The following CHL1 variants were observed in gnomAD, a reference collection of about 807,000 sequenced individuals.
CHL1 encodes cell adhesion molecule L1 like.
Under a neutral mutation model 141.9 loss-of-function variants are expected in CHL1, and 96 were observed. That is an observed-to-expected ratio of 0.68 (90% CI 0.57 to 0.80). CHL1 has a LOEUF of 0.80. Among genes scored for constraint, CHL1 ranks in the 30% least tolerant of loss-of-function variants. The probability of loss-of-function intolerance (pLI) is 0.00; values close to 1 mark genes in which losing one functional copy is unlikely to be tolerated. For synonymous variants in CHL1, 613 were observed against 502.2 expected (o/e 1.22, Z -2.95); for missense variants, 1,820 against 1,457.2 (o/e 1.25, Z -4.05).
At chr3:357,341 G>T (rs1427494851) in intron 11 of CHL1, among the ~76,000 whole-genome samples, 3 of 152,168 alleles carry the variant, frequency 2.0e-5, no homozygotes, top group Non-Finnish European at 4.4e-5. Context: ...CTTTCCCCAT[G>T]TTATTTCAAA....
intron 1 of CHL1, among the ~76,000 whole-genome samples, chr3:208,631 C>T (rs1025213009): frequency 2.0e-5 from 3 of 152,038 alleles, no homozygotes; most frequent in East Asian, 1.9e-4. Context: ...TTCCAGTATC[C>T]GTTTTGGTTA....
chr3:244,253 G>T (rs993390408), intron 1 of CHL1, among the ~76,000 whole-genome samples: 6 of 152,178 alleles, frequency 3.9e-5, no homozygotes, highest in African/African-American at 1.4e-4. Context: ...AGTAGCTATT[G>T]TGCCAGACAG....
At chr3:224,452 G>A (rs1182190284) in intron 1 of CHL1, among the ~76,000 whole-genome samples, 3 of 152,128 alleles carry the variant, frequency 2.0e-5, no homozygotes, top group Admixed American at 6.6e-5. Flanking sequence ...AACAGATCCC[G>A]TATGGCCTGG....
intron 24 of CHL1, among the ~76,000 whole-genome samples, chr3:395,829 C>T (rs755820256): frequency 4.6e-5 from 7 of 152,050 alleles, no homozygotes; most frequent in East Asian, 1.9e-4. Context: ...ATTAGAAAAA[C>T]GGTAGAATCA....
chr3:294,697 CA>C (rs11291904), intron 2 of CHL1, among the ~76,000 whole-genome samples: 96,914 of 151,858 alleles, frequency 0.64, 33,488 homozygotes, highest in African/African-American at 0.91. Context: ...ATGCCCATAA[CA>C]AAAAATGGAA....
intron 5 of CHL1, among the ~76,000 whole-genome samples, chr3:330,854 G>C (rs944705529): frequency 2.6e-5 from 4 of 152,054 alleles, no homozygotes; most frequent in Non-Finnish European, 5.9e-5. Flanking sequence ...AGCCATTATG[G>C]TTCTGTGCAG....
chr3:292,832 G>C (rs1238081039), intron 2 of CHL1, among the ~76,000 whole-genome samples: 1 of 152,080 alleles, frequency 6.6e-6, no homozygotes, highest in Non-Finnish European at 1.5e-5. Context: ...GATCTCAAGA[G>C]AACTCACTAT....
chr3:268,880 G>C (rs1226294376), intron 2 of CHL1, among the ~76,000 whole-genome samples: 1 of 152,172 alleles, frequency 6.6e-6, no homozygotes, highest in Non-Finnish European at 1.5e-5. Context: ...CAGGGTTAAA[G>C]GCAGAGCTCA....
At chr3:394,611 C>T (rs894801722) in intron 23 of CHL1, 82 bp from the exon 24 acceptor site, 1 of 991,290 alleles carries the variant, frequency 1.0e-6, no homozygotes, top group Non-Finnish European at 1.5e-6. Flanking sequence ...GTACCACAAG[C>T]ATAAGGAGAA....
At chr3:276,693 T>TAC (rs1559369469) in intron 2 of CHL1, among the ~76,000 whole-genome samples, 18 of 151,592 alleles carry the variant, frequency 1.2e-4, no homozygotes, top group Non-Finnish European at 2.9e-5. Context: ...ATTGAGACCG[T>TAC]CCTGGCTAAC....
At chr3:260,741 AC>A (rs1472553977) in intron 2 of CHL1, among the ~76,000 whole-genome samples, 1 of 152,194 alleles carries the variant, frequency 6.6e-6, no homozygotes, top group Non-Finnish European at 1.5e-5. Context: ...CTACATAAAA[AC>A]CTTCCTTGGA....
At chr3:397,916 T>C (rs1264364740) in intron 24 of CHL1, among the ~76,000 whole-genome samples, 1 of 152,154 alleles carries the variant, frequency 6.6e-6, no homozygotes, top group Non-Finnish European at 1.5e-5. Context: ...TTTGCGAAAA[T>C]CCAAATTGCA....
At chr3:221,107 G>A (rs186812330) in intron 1 of CHL1, among the ~76,000 whole-genome samples, 1 of 152,230 alleles carries the variant, frequency 6.6e-6, no homozygotes, top group East Asian at 1.9e-4. Context: ...CCCACTTTGA[G>A]TTGTCTCACC....
chr3:390,013 A>C (rs539095387), intron 20 of CHL1, among the ~76,000 whole-genome samples: 36 of 152,346 alleles, frequency 2.4e-4, no homozygotes, highest in African/African-American at 8.4e-4. Context: ...CTGTATTGCT[A>C]ATACTGTGAA....
rs372293936 is a variant in CHL1 at position 389,405 on chromosome 3, G to A, written c.2401G>A (p.Val801Ile). The A allele has an allele frequency of 6.2e-7, 1 of 1,614,192 alleles. No individual in the cohort carries two copies. The highest frequency in any genetic ancestry group is 8.5e-7 in the Non-Finnish European group (1 of 1,180,040). The change falls in exon 20 of 28, where the codon GTC becomes ATC. Residue 801 changes from valine (V) to isoleucine (I), a missense_variant. Val to Ile is a conservative substitution (Grantham distance 29, BLOSUM62 3). Coordinates refer to ENST00000256509, the MANE Select transcript of CHL1 (RefSeq NM_006614.4). ...PAVYAPYDVK[V>I]QAINQLGSGP... is the part of the protein sequence containing the mutation. ...TGTCTATGCCCCTTATGATGTCAAGGTCCAGGCTATCAATCAACTAGGATC... is the reference window on the plus strand; with the variant it reads ...TGTCTATGCCCCTTATGATGTCAAGATCCAGGCTATCAATCAACTAGGATC...
rs1331758501 is a variant in CHL1 at position 386,863 on chromosome 3, A to T, written c.2248-2389A>T. On this transcript the variant is annotated intron_variant, in intron 19 of 27. Coordinates refer to ENST00000256509, the MANE Select transcript of CHL1 (RefSeq NM_006614.4). ...ACTATAGTAGATAACAATGTATTGT[A>T]TTCTTGAAAATTGTTGAGAGACTAG... is the stretch of plus-strand genomic sequence containing the variant. Among the ~76,000 whole-genome samples, 4 of 152,194 alleles carry T rather than the reference A, an allele frequency of 2.6e-5. No homozygotes were observed. In the East Asian group the frequency reaches 7.7e-4, roughly 29 times the overall value.
intron 2 of CHL1, among the ~76,000 whole-genome samples, chr3:272,067 A>G (rs991782170): frequency 8.5e-5 from 13 of 152,222 alleles, no homozygotes; most frequent in African/African-American, 2.7e-4. Context: ...TTATATTTCT[A>G]TTATAAATAA....
intron 23 of CHL1, among the ~76,000 whole-genome samples, chr3:392,691 A>G (rs1708327201): frequency 6.6e-6 from 1 of 152,224 alleles, no homozygotes; most frequent in African/African-American, 2.4e-5. Flanking sequence ...ACTTGATCAT[A>G]GTCCTGTTGT....
At chr3:295,151 T>A (rs1205947859) in intron 2 of CHL1, among the ~76,000 whole-genome samples, 1 of 151,966 alleles carries the variant, frequency 6.6e-6, no homozygotes, top group Admixed American at 6.6e-5. Context: ...ACAATCTGCC[T>A]CCCAATCCCC....
Sources: allele counts gnomAD v4.1 joint callset (sites outside exome capture counted in the v4.1 genomes callset), GRCh38; gene constraint gnomAD v4.1.1; transcripts MANE v1.5; gene names NCBI Gene and HGNC (gene_info 2026-07-23, HGNC 2026-07-21).